SUCLG2: variants seen among roughly 807,000 people sequenced by gnomAD.
SUCLG2 encodes the protein succinate-CoA ligase GDP-forming subunit beta.
SUCLG2 carries 42 observed loss-of-function variants against 47.9 expected under a neutral mutation model. The observed-to-expected ratio is 0.88, with a 90% CI of 0.69 to 1.14. SUCLG2 has a LOEUF of 1.14. SUCLG2 is among the 50% of genes most tolerant of loss of function. The pLI is 0.00. For synonymous variants in SUCLG2, 195 were observed against 197.3 expected (o/e 0.99, Z 0.10); for missense variants, 571 against 525.9 (o/e 1.09, Z -0.84).
intron 2 of SUCLG2, among the ~76,000 whole-genome samples, chr3:67,545,874 T>G (rs1420915984): frequency 2.6e-5 from 4 of 152,180 alleles, no homozygotes; most frequent in African/African-American, 9.7e-5. Context: ...CCACATTTAC[T>G]TCAAATTCTA....
chr3:67,363,496 G>A (rs978651987), intron 10 of SUCLG2, among the ~76,000 whole-genome samples: 3 of 152,048 alleles, frequency 2.0e-5, no homozygotes, highest in Admixed American at 6.6e-5. Context: ...AAAAACGCCC[G>A]TCATACAGTC....
intron 10 of SUCLG2, among the ~76,000 whole-genome samples, chr3:67,384,879 G>A (rs568820318): frequency 6.6e-6 from 1 of 152,326 alleles, no homozygotes; most frequent in South Asian, 2.1e-4. Flanking sequence ...AAGAGAAGGT[G>A]GCATGAGATG....
chr3:67,364,099 T>C (rs952723138), intron 10 of SUCLG2, among the ~76,000 whole-genome samples: 3 of 152,292 alleles, frequency 2.0e-5, no homozygotes, highest in Admixed American at 2.0e-4. Context: ...ATACCCACTC[T>C]ACTTCAGTGG....
intron 2 of SUCLG2, among the ~76,000 whole-genome samples, chr3:67,546,888 G>A (rs201266927): frequency 6.6e-6 from 1 of 152,196 alleles, no homozygotes; most frequent in East Asian, 1.9e-4. Flanking sequence ...GTTACAGAGT[G>A]AGACTCCATC....
At chr3:67,628,393 T>C (rs1047754424) in intron 1 of SUCLG2, among the ~76,000 whole-genome samples, 2 of 152,350 alleles carry the variant, frequency 1.3e-5, no homozygotes, top group African/African-American at 4.8e-5. Context: ...AAGGAATATT[T>C]TGATACACTA....
At chr3:67,417,683 CAT>C (rs1318181192) in intron 9 of SUCLG2, among the ~76,000 whole-genome samples, 1 of 152,150 alleles carries the variant, frequency 6.6e-6, no homozygotes, top group Non-Finnish European at 1.5e-5. Flanking sequence ...TGATTTAACA[CAT>C]AACCCACAGA....
chr3:67,632,300 A>G (rs1209347773), intron 1 of SUCLG2, among the ~76,000 whole-genome samples: 1 of 152,074 alleles, frequency 6.6e-6, no homozygotes, highest in Non-Finnish European at 1.5e-5. Flanking sequence ...CTCGTGTCTC[A>G]GTCTCCCAAG....
At chr3:67,583,301 C>T (rs1707929379) in intron 2 of SUCLG2, among the ~76,000 whole-genome samples, 2 of 152,196 alleles carry the variant, frequency 1.3e-5, no homozygotes, top group African/African-American at 2.4e-5. Flanking sequence ...CCACCATCCT[C>T]CCCGCTTGCC....
At chr3:67,401,367 C>A (rs748835079) in intron 9 of SUCLG2, among the ~76,000 whole-genome samples, 2 of 151,904 alleles carry the variant, frequency 1.3e-5, no homozygotes, top group Non-Finnish European at 2.9e-5. Context: ...GGTATGTTCT[C>A]AAAAATCAGA....
intron 1 of SUCLG2, 124 bp from the exon 2 acceptor site, chr3:67,609,720 CA>C: frequency 1.2e-6 from 1 of 824,884 alleles, no homozygotes; most frequent in South Asian, 2.9e-5. Flanking sequence ...TTGAGAGAAG[CA>C]AAAGAAAAAA....
intron 9 of SUCLG2, among the ~76,000 whole-genome samples, chr3:67,476,426 C>G (rs56060755): frequency 0.033 from 4,963 of 152,090 alleles, 136 homozygotes; most frequent in East Asian, 0.13. Flanking sequence ...GCCTGATGAT[C>G]TGTCATTCTC....
intron 1 of SUCLG2, among the ~76,000 whole-genome samples, chr3:67,619,348 C>G (rs1700689408): frequency 1.3e-5 from 2 of 152,228 alleles, no homozygotes; most frequent in Non-Finnish European, 2.9e-5. Flanking sequence ...TAAGTGCCTG[C>G]TCAGGGTGAC....
chr3:67,548,834 A>G (rs1179881793), intron 2 of SUCLG2, among the ~76,000 whole-genome samples: 1 of 152,208 alleles, frequency 6.6e-6, no homozygotes, highest in African/African-American at 2.4e-5. Context: ...GCAATGTCCA[A>G]TGCCTGGCCT....
chr3:67,386,355 C>A (rs1019984171), intron 10 of SUCLG2, among the ~76,000 whole-genome samples: 20 of 152,018 alleles, frequency 1.3e-4, no homozygotes, highest in Middle Eastern at 6.8e-3. Flanking sequence ...ATAACAGACA[C>A]TTTAATATGA....
chr3:67,414,468 C>T (rs1323600080), intron 9 of SUCLG2, among the ~76,000 whole-genome samples: 1 of 152,102 alleles, frequency 6.6e-6, no homozygotes. Flanking sequence ...AACTCAGTGC[C>T]AGACAGGTAA....
chr3:67,382,525 G>A (rs990877366), intron 10 of SUCLG2, among the ~76,000 whole-genome samples: 1 of 152,122 alleles, frequency 6.6e-6, no homozygotes, highest in Non-Finnish European at 1.5e-5. Flanking sequence ...CTAGTTTTTG[G>A]GCAAAATTGA....
rs141459012 is a variant in SUCLG2, at chr3:67,614,910, G to A, written c.85-5314C>T. Reference sequence around the variant, plus strand: ...TCACATGGATTTTGGCAAAGTGACCGTGATAGGAACAGCATCACATTCTTA... The same window carrying A: ...TCACATGGATTTTGGCAAAGTGACCATGATAGGAACAGCATCACATTCTTA... On this transcript the variant is annotated intron_variant, in intron 1 of 10. Coordinates refer to ENST00000307227, the MANE Select transcript of SUCLG2 (RefSeq NM_003848.4). 1.4e-3 allele frequency among the ~76,000 whole-genome samples: 215 copies of A among 152,250 alleles called. 2 individuals are homozygous for A. The East Asian group carries it at 0.025, about 18-fold the overall frequency.
intron 10 of SUCLG2, among the ~76,000 whole-genome samples, chr3:67,389,061 G>A (rs961988591): frequency 2.6e-5 from 4 of 151,954 alleles, no homozygotes; most frequent in Non-Finnish European, 4.4e-5. Context: ...AATATGTTAC[G>A]GCTAAAAGAA....
In SUCLG2 at chr3:67,483,749, T is replaced by A. The variant is rs1440154614; in HGVS notation, c.1062+12049A>T. On this transcript the variant is annotated intron_variant, in intron 9 of 10. Transcript: ENST00000307227. ...TTAGTCATTCTGTGGTCTGAGGAAC[T>A]AGTAACTGATTTCACAAAGGGGTCT... Among the ~76,000 whole-genome samples, 5 of 152,188 alleles carry A rather than the reference T, an allele frequency of 3.3e-5. No homozygotes were observed. In the East Asian group the frequency reaches 9.6e-4, roughly 29 times the overall value.
Sources: allele counts gnomAD v4.1 joint callset (sites outside exome capture counted in the v4.1 genomes callset), GRCh38; gene constraint gnomAD v4.1.1; transcripts MANE v1.5; gene names NCBI Gene and HGNC (gene_info 2026-07-23, HGNC 2026-07-21).